The following AHNAK variants were observed in gnomAD, a reference collection of about 807,000 sequenced individuals.
AHNAK encodes the protein AHNAK nucleoprotein.
In AHNAK, 23 loss-of-function variants were observed where a neutral mutation model predicts 37.8. The ratio of observed to expected loss-of-function variants is 0.61; its 90% CI spans 0.44 to 0.86. AHNAK has a LOEUF of 0.86. AHNAK is among the 40% of genes least tolerant of loss of function. AHNAK has a pLI of 0.00. For synonymous variants in AHNAK, 2,481 were observed against 2,636.3 expected (o/e 0.94, Z 1.80); for missense variants, 7,411 against 7,319.4 (o/e 1.01, Z -0.46).
chr11:62,507,266 C>A (rs1280960029), intron 4 of AHNAK, among the ~76,000 whole-genome samples: 1 of 152,100 alleles, frequency 6.6e-6, no homozygotes, highest in Non-Finnish European at 1.5e-5. Flanking sequence ...CTTCTCTGAG[C>A]CTCAGTTTCT....
intron 5 of AHNAK, among the ~76,000 whole-genome samples, chr11:62,452,094 G>A (rs1456468240): frequency 6.6e-6 from 1 of 152,086 alleles, no homozygotes; most frequent in Admixed American, 6.6e-5. Context: ...TTACAGGCGT[G>A]AGCCACCGCA....
At chr11:62,489,983 C>A (rs1232775166) in intron 5 of AHNAK, among the ~76,000 whole-genome samples, 1 of 151,890 alleles carries the variant, frequency 6.6e-6, no homozygotes, top group African/African-American at 2.4e-5. Flanking sequence ...AGAGATTTCC[C>A]TGGGCACTCA....
intron 4 of AHNAK, among the ~76,000 whole-genome samples, chr11:62,495,688 G>A (rs548240802): frequency 1.5e-4 from 23 of 149,642 alleles, no homozygotes; most frequent in Non-Finnish European, 2.7e-4. Flanking sequence ...GCAGTGAGCC[G>A]AGATCACGCC....
At chr11:62,463,010 G>C (rs1938823964) in intron 5 of AHNAK, among the ~76,000 whole-genome samples, 1 of 151,580 alleles carries the variant, frequency 6.6e-6, no homozygotes, top group South Asian at 2.1e-4. Context: ...TGTAATCCCA[G>C]CTACTCGGGA....
intron 5 of AHNAK, among the ~76,000 whole-genome samples, chr11:62,455,496 G>A (rs1487930000): frequency 2.6e-5 from 4 of 151,802 alleles, no homozygotes; most frequent in African/African-American, 7.3e-5. Context: ...TCCTGAGGTC[G>A]GCAGTTTGAG....
At chr11:62,463,044 A>ATTC (rs1292322760) in intron 5 of AHNAK, among the ~76,000 whole-genome samples, 1 of 149,212 alleles carries the variant, frequency 6.7e-6, no homozygotes, top group Non-Finnish European at 1.5e-5. Flanking sequence ...GAATCACTTG[A>ATTC]ACCCAGGAAG....
At chr11:62,467,684 C>G (rs1938941675) in intron 5 of AHNAK, among the ~76,000 whole-genome samples, 1 of 152,172 alleles carries the variant, frequency 6.6e-6, no homozygotes, top group South Asian at 2.1e-4. Context: ...GACTCCGTCT[C>G]AAACAACAAC....
rs780470283 is a variant in AHNAK, at chr11:62,531,048, G to C, written c.3369C>G (p.Ser1123Arg). Residue 1123 changes from serine (S) to arginine (R), a missense_variant, in exon 5 of 5, where the codon AGC becomes AGG. By Grantham distance (110) the Ser-to-Arg change is moderately radical. Coordinates refer to ENST00000378024, the MANE Select transcript of AHNAK (RefSeq NM_001620.3). ...GCATTTTCATCTTGGGTATTTTCAG[G>C]CTCCAGTCCAGGCCTTGGCCTTCCA... ...PDVEGQGLDWSLKIPKMKMPK... is the reference protein window; with the variant it reads ...PDVEGQGLDWRLKIPKMKMPK... The C allele has an allele frequency of 1.2e-6, 2 of 1,613,840 alleles. No homozygotes were observed. The highest frequency in any genetic ancestry group is 2.2e-5 in the East Asian group (1 of 44,874).
chr11:62,468,458 A>G (rs887884624), intron 5 of AHNAK, among the ~76,000 whole-genome samples: 1 of 152,118 alleles, frequency 6.6e-6, no homozygotes, highest in African/African-American at 2.4e-5. Context: ...GCATGTGTGT[A>G]CAGGTTGCTA....
chr11:62,530,750 CACCTTCT>C lies in AHNAK; in HGVS notation c.3660_3666del (p.Glu1221LysfsTer2), dbSNP rs1232961976. 6.2e-7 allele frequency: 1 copy of C among 1,613,848 alleles called. No individual in the cohort carries two copies. Among genetic ancestry groups the C allele is most frequent in the South Asian group, 1.1e-5 (1 of 91,070 alleles). ...ATTTCAACATCTGGCACTTTCATTT[CACCTTCT>C]ACCTTGGGCACAGACACATCCACAT... On this transcript the variant is annotated frameshift_variant, in exon 5 of 5. Transcript: ENST00000378024. LOFTEE classifies it low-confidence loss of function (END_TRUNC).
At chr11:62,433,722 C>T in exon 6 of AHNAK, 1 of 892,438 alleles carries the variant, frequency 1.1e-6, no homozygotes, top group Non-Finnish European at 1.7e-6. Context: ...GAGCTATAAA[C>T]ATGCATGCTC....
chr11:62,540,709 C>T (rs1265343160), intron 1 of AHNAK, among the ~76,000 whole-genome samples: 1 of 152,150 alleles, frequency 6.6e-6, no homozygotes, highest in Non-Finnish European at 1.5e-5. Flanking sequence ...GTGGAGACCC[C>T]CTAAGGCAGA....
chr11:62,546,390 C>A (rs536765456), intron 1 of AHNAK, among the ~76,000 whole-genome samples: 175 of 152,378 alleles, frequency 1.1e-3, no homozygotes, highest in Non-Finnish European at 2.2e-3. Context: ...GCCAACAGTC[C>A]GCCCTCCGGA....
intron 5 of AHNAK, among the ~76,000 whole-genome samples, chr11:62,491,559 G>A (rs930906629): frequency 3.9e-5 from 6 of 152,184 alleles, no homozygotes; most frequent in Admixed American, 6.5e-5. Context: ...TGAAAGAAGA[G>A]TAGGGTTTGA....
intron 5 of AHNAK, among the ~76,000 whole-genome samples, chr11:62,482,763 T>C (rs1723499770): frequency 6.6e-6 from 1 of 152,214 alleles, no homozygotes; most frequent in South Asian, 2.1e-4. Context: ...ATTCATCTTG[T>C]ACTGCTCACT....
chr11:62,437,748 T>C (rs1357065348), intron 5 of AHNAK, among the ~76,000 whole-genome samples: 2 of 152,160 alleles, frequency 1.3e-5, no homozygotes, highest in Admixed American at 6.5e-5. Context: ...CAAACAATGT[T>C]CCCAGTGGCT....
rs1940122835 is a variant in AHNAK at position 62,518,877 on chromosome 11, A to G, written c.15540T>C (p.Ala5180=). The G allele has an allele frequency of 3.1e-6, 5 of 1,614,224 alleles. No individual in the cohort carries two copies. Among genetic ancestry groups the G allele is most frequent in the Non-Finnish European group, 4.2e-6 (5 of 1,180,030 alleles). ...TGCCGAAGGACGGTGTTTTGACTTTAGCATCTAGGCCTTCGATGTTGATGT... is the reference window on the plus strand; with the variant it reads ...TGCCGAAGGACGGTGTTTTGACTTTGGCATCTAGGCCTTCGATGTTGATGT... ...APDINIEGLD[A]KVKTPSFGIS... is the part of the protein sequence containing the mutation. The change falls in exon 5 of 5, where the codon GCT becomes GCC. Residue 5180 remains alanine (A), a synonymous_variant. Coordinates refer to ENST00000378024, the MANE Select transcript of AHNAK (RefSeq NM_001620.3).
Position 62,519,797 on chromosome 11 carries a change from C to A in AHNAK, c.14620G>T (p.Val4874Phe), listed in dbSNP as rs1041773048. 1.9e-6 allele frequency: 3 copies of A among 1,613,942 alleles called. No individual in the cohort carries two copies. Among genetic ancestry groups the A allele is most frequent in the Non-Finnish European group, 2.5e-6 (3 of 1,179,896 alleles). Residue 4874 changes from valine to phenylalanine, a missense_variant, in exon 5 of 5, where the codon GTT (valine) becomes TTT (phenylalanine). Coordinates refer to ENST00000378024, the MANE Select transcript of AHNAK (RefSeq NM_001620.3). ...KGDFDVSVPK[V>F]EGTLKGPEVD... ...TCTGGGCCTTTCAAAGTCCCTTCAA[C>A]CTTAGGGACAGACACATCAAAATCT...
chr11:62,501,770 A>G (rs1565215872), intron 4 of AHNAK, among the ~76,000 whole-genome samples: 1 of 152,162 alleles, frequency 6.6e-6, no homozygotes, highest in Non-Finnish European at 1.5e-5. Flanking sequence ...CCACGGAGCC[A>G]CTGTTGCTGT....
Sources: allele counts gnomAD v4.1 joint callset (sites outside exome capture counted in the v4.1 genomes callset), GRCh38; gene constraint gnomAD v4.1.1; transcripts MANE v1.5; gene names NCBI Gene and HGNC (gene_info 2026-07-23, HGNC 2026-07-21).